The following RBMS3 variants were observed in gnomAD, a reference collection of about 807,000 sequenced individuals.
RBMS3 encodes the protein RNA binding motif single stranded interacting protein 3.
RBMS3 carries 27 observed loss-of-function variants against 66.8 expected under a neutral mutation model. The ratio of observed to expected loss-of-function variants is 0.40; its 90% CI spans 0.30 to 0.56. RBMS3 has a LOEUF of 0.56. Ranked by LOEUF, RBMS3 falls within the 20% of genes least tolerant of loss-of-function variation. The pLI, the probability that RBMS3 is intolerant of heterozygous loss-of-function variation, is 0.40. For synonymous variants in RBMS3, 188 were observed against 183.0 expected, an observed-to-expected ratio of 1.03 and a Z score of -0.22; for missense variants, 513 against 549.5, an observed-to-expected ratio of 0.93 and a Z score of 0.66.
intron 3 of RBMS3, among the ~76,000 whole-genome samples, chr3:29,532,909 A>G (rs1169968709): frequency 1.3e-5 from 2 of 152,172 alleles, no homozygotes; most frequent in Admixed American, 6.5e-5. Flanking sequence ...ATGTCTTTTG[A>G]ATGAATTAAG....
At chr3:29,920,474 TG>T (rs2060743029) in intron 10 of RBMS3, among the ~76,000 whole-genome samples, 1 of 152,226 alleles carries the variant, frequency 6.6e-6, no homozygotes. Context: ...CTGAAATTTT[TG>T]CATACTACTA....
chr3:29,606,781 C>A (rs978099992), intron 4 of RBMS3, among the ~76,000 whole-genome samples: 1 of 151,950 alleles, frequency 6.6e-6, no homozygotes, highest in Admixed American at 6.6e-5. Context: ...TGCTCACTTG[C>A]AGACAAATGT....
chr3:29,574,690 T>C (rs1207858581), intron 3 of RBMS3, among the ~76,000 whole-genome samples: 1 of 152,108 alleles, frequency 6.6e-6, no homozygotes, highest in Non-Finnish European at 1.5e-5. Context: ...TCTGACGGTA[T>C]GATTTAATTT....
intron 3 of RBMS3, among the ~76,000 whole-genome samples, chr3:29,493,938 C>T (rs1368951064): frequency 1.3e-5 from 2 of 152,180 alleles, no homozygotes; most frequent in Non-Finnish European, 2.9e-5. Context: ...TTAGAGGACA[C>T]AAATTGGATT....
intron 4 of RBMS3, among the ~76,000 whole-genome samples, chr3:29,692,839 G>C (rs1446198337): frequency 6.6e-6 from 1 of 152,104 alleles, no homozygotes; most frequent in Non-Finnish European, 1.5e-5. Flanking sequence ...ATATAATCAT[G>C]CTCTCTTTTC....
intron 1 of RBMS3, among the ~76,000 whole-genome samples, chr3:29,433,666 G>T (rs1376628008): frequency 1.3e-5 from 2 of 152,140 alleles, no homozygotes; most frequent in Non-Finnish European, 2.9e-5. Context: ...AAGAGGCACA[G>T]CAGGGACTCA....
intron 3 of RBMS3, among the ~76,000 whole-genome samples, chr3:29,490,985 T>A (rs2148918176): frequency 6.6e-6 from 1 of 152,324 alleles, no homozygotes; most frequent in East Asian, 1.9e-4. Context: ...GCGGTCAATA[T>A]GAAGGGATAC....
chr3:29,924,111 G>A (rs1188737001), intron 10 of RBMS3, among the ~76,000 whole-genome samples: 1 of 152,134 alleles, frequency 6.6e-6, no homozygotes, highest in Non-Finnish European at 1.5e-5. Flanking sequence ...CCTGTTACAT[G>A]ACCAAAGGGT....
chr3:29,836,389 C>T (rs1402073880), intron 6 of RBMS3, among the ~76,000 whole-genome samples: 1 of 151,894 alleles, frequency 6.6e-6, no homozygotes, highest in East Asian at 1.9e-4. Flanking sequence ...CCAAATTTAA[C>T]AGCACATTAA....
At chr3:29,925,463 G>C (rs912809994) in intron 10 of RBMS3, among the ~76,000 whole-genome samples, 1 of 152,064 alleles carries the variant, frequency 6.6e-6, no homozygotes, top group African/African-American at 2.4e-5. Context: ...AGATTTTATG[G>C]GTAAAGGCAG....
chr3:29,979,342 T>C (rs1697821271), intron 12 of RBMS3, among the ~76,000 whole-genome samples: 1 of 152,132 alleles, frequency 6.6e-6, no homozygotes, highest in Non-Finnish European at 1.5e-5. Context: ...ACAACTTTAT[T>C]GAATGTCATG....
chr3:29,772,527 A>G (rs2056255710), intron 6 of RBMS3, among the ~76,000 whole-genome samples: 1 of 151,972 alleles, frequency 6.6e-6, no homozygotes. Context: ...CAGCACCATC[A>G]CAATAGTTAC....
chr3:29,890,460 T>C (rs1005980210), intron 8 of RBMS3, among the ~76,000 whole-genome samples: 1 of 151,598 alleles, frequency 6.6e-6, no homozygotes, highest in Non-Finnish European at 1.5e-5. Context: ...AAGAGCCTGG[T>C]CCCATTTTAC....
At position 29,684,999 on chromosome 3, in the gene RBMS3, G is replaced by A. The variant is rs1476620887; in HGVS notation, c.400-54721G>A. ...TATGTGTGTATGTGTGTAAGTATAA[G>A]TTTTATATTTTTCAGGGGTAAAACA... On this transcript the variant is annotated intron_variant, in intron 4 of 14. Transcript: ENST00000383767. Among the ~76,000 whole-genome samples the A allele has an allele frequency of 5.9e-5, 9 of 152,052 alleles. No homozygotes were observed. The South Asian group carries it at 1.7e-3, about 28-fold the overall frequency.
chr3:29,842,367 G>A (rs1187678703), intron 6 of RBMS3, among the ~76,000 whole-genome samples: 2 of 152,048 alleles, frequency 1.3e-5, no homozygotes, highest in African/African-American at 4.8e-5. Context: ...TCCAGATATA[G>A]ACAGGACATA....
intron 4 of RBMS3, among the ~76,000 whole-genome samples, chr3:29,631,524 A>T (rs2149176667): frequency 6.6e-6 from 1 of 152,020 alleles, no homozygotes; most frequent in African/African-American, 2.4e-5. Context: ...ATTATTTTTC[A>T]ATAGTTTTAG....
intron 6 of RBMS3, among the ~76,000 whole-genome samples, chr3:29,781,748 C>G (rs2056638531): frequency 6.6e-6 from 1 of 151,988 alleles, no homozygotes; most frequent in African/African-American, 2.4e-5. Flanking sequence ...GTTATCAGCC[C>G]TGGTCACTGG....
At chr3:29,760,418 C>A (rs908885707) in intron 5 of RBMS3, among the ~76,000 whole-genome samples, 2 of 151,884 alleles carry the variant, frequency 1.3e-5, no homozygotes, top group Admixed American at 6.6e-5. Context: ...AGATGAGTAC[C>A]CAGAGAGAGA....
At chr3:29,281,852 C>T in intron 1 of RBMS3, 96 bp downstream of exon 1, 1 of 978,222 alleles carries the variant, frequency 1.0e-6, no homozygotes, top group Non-Finnish European at 1.6e-6. Context: ...TAACCCCCAC[C>T]CCCATCACTT....
Sources: allele counts gnomAD v4.1 joint callset (sites outside exome capture counted in the v4.1 genomes callset), GRCh38; gene constraint gnomAD v4.1.1; transcripts MANE v1.5; gene names NCBI Gene and HGNC (gene_info 2026-07-23, HGNC 2026-07-21).